GSN: variants seen among roughly 807,000 people sequenced by gnomAD.
GSN encodes actin-depolymerizing factor.
Under a neutral mutation model 85.7 loss-of-function variants are expected in GSN, and 56 were observed. That is an observed-to-expected ratio of 0.65 (90% CI 0.53 to 0.82). The LOEUF is 0.82. Ranked by LOEUF, GSN falls within the 40% of genes least tolerant of loss-of-function variation. GSN has a pLI of 0.00. For missense variants in GSN, 857 were observed against 979.8 expected, an observed-to-expected ratio of 0.87 and a Z score of 1.67; for synonymous variants, 373 against 399.1, an observed-to-expected ratio of 0.93 and a Z score of 0.78.
At chr9:121,220,409 T>TCTTCCCATACTTTCTGTCACTGTGTATCC (rs2054148390) in intron 4 of GSN, among the ~76,000 whole-genome samples, 1 of 151,050 alleles carries the variant, frequency 6.6e-6, no homozygotes, top group Non-Finnish European at 1.5e-5. Context: ...TAGGTGAAGC[T>TCTTCCCATACTTTCTGTCACTGTGTATCC]CTTCCCATAC....
Position 121,299,208 on chromosome 9 carries a change from G to T in GSN, c.-9-2755G>T. On this transcript the variant is annotated intron_variant, in intron 2 of 17. Coordinates refer to ENST00000432226, the MANE Select transcript of GSN (RefSeq NM_198252.3). The surrounding 1 kb of genome is among the most constrained non-coding windows in gnomAD (Gnocchi z 4.2). ...AAAGAAGGAAAGAAAAGTAGGAGGG[G>T]CTATCCCAGGAGCTGAGCGTTCTGC... 1 of 477,752 alleles carries T rather than the reference G, an allele frequency of 2.1e-6. No homozygotes were observed. The highest frequency in any genetic ancestry group is 2.7e-6 in the Non-Finnish European group (1 of 365,562). 29.6% of individuals were successfully genotyped at this position (477,752 alleles called of 1,614,324 possible).
At chr9:121,214,562 T>G (rs1490849182) in intron 4 of GSN, among the ~76,000 whole-genome samples, 1 of 152,186 alleles carries the variant, frequency 6.6e-6, no homozygotes, top group African/African-American at 2.4e-5. Flanking sequence ...TTTCATGAAG[T>G]AAGGAATGAC....
At chr9:121,223,525 A>G (rs142196584) in intron 4 of GSN, among the ~76,000 whole-genome samples, 101 of 152,274 alleles carry the variant, frequency 6.6e-4, no homozygotes, top group Admixed American at 1.3e-3. Flanking sequence ...AGTATATATC[A>G]TGGTTACAAT....
chr9:121,221,797 G>A (rs2054174925), intron 4 of GSN, among the ~76,000 whole-genome samples: 1 of 152,228 alleles, frequency 6.6e-6, no homozygotes, highest in Non-Finnish European at 1.5e-5. Flanking sequence ...GCTAGCCAGA[G>A]CTGAGGCCCA....
intron 1 of GSN, among the ~76,000 whole-genome samples, chr9:121,273,961 G>A (rs1009104086): frequency 2.0e-5 from 3 of 152,274 alleles, no homozygotes; most frequent in Middle Eastern, 3.4e-3. Context: ...AGAGAATAAT[G>A]TTTATAATCT....
At chr9:121,214,582 G>C (rs2054026007) in intron 4 of GSN, among the ~76,000 whole-genome samples, 1 of 152,156 alleles carries the variant, frequency 6.6e-6, no homozygotes, top group Non-Finnish European at 1.5e-5. Context: ...CTGTTTCTAA[G>C]AACAAAGAGG....
At chr9:121,300,194 T>C in intron 2 of GSN, 1 of 1,108,968 alleles carries the variant, frequency 9.0e-7, no homozygotes. Flanking sequence ...GGGCCCTGGC[T>C]GTTCCTTCCC....
At chr9:121,211,719 T>G (rs1013412697) in intron 4 of GSN, among the ~76,000 whole-genome samples, 1 of 152,084 alleles carries the variant, frequency 6.6e-6, no homozygotes, top group Non-Finnish European at 1.5e-5. Flanking sequence ...TCAGTTCAAT[T>G]TTATTTTTCA....
chr9:121,285,756 T>C (rs543973778), intron 2 of GSN, among the ~76,000 whole-genome samples: 33 of 152,076 alleles, frequency 2.2e-4, no homozygotes, highest in Non-Finnish European at 4.6e-4. Flanking sequence ...ATGTCCCACC[T>C]CCCTAATTTA....
At position 121,318,096 on chromosome 9, in the gene GSN, G is replaced by C. The variant is rs576409191; in HGVS notation, c.887-310G>C. Among the ~76,000 whole-genome samples, 1 of 152,336 alleles carries C rather than the reference G, an allele frequency of 6.6e-6. No homozygotes were observed. Among genetic ancestry groups the C allele is most frequent in the East Asian group, 1.9e-4 (1 of 5,182 alleles). On this transcript the variant is annotated intron_variant, in intron 8 of 17. Transcript: ENST00000432226. The surrounding 1 kb of genome is among the most constrained non-coding windows in gnomAD (Gnocchi z 4.3). ...GCTTCCTTATAGATACTCAGAAAAA[G>C]ATAACAACTTTTTTTATTACTTAAG...
intron 4 of GSN, among the ~76,000 whole-genome samples, chr9:121,227,267 G>A (rs914815737): frequency 1.3e-5 from 2 of 152,072 alleles, no homozygotes. Flanking sequence ...GGTGGTGCGT[G>A]CCTGTAATCC....
At chr9:121,225,375 C>T (rs1055029373) in intron 4 of GSN, among the ~76,000 whole-genome samples, 1 of 152,218 alleles carries the variant, frequency 6.6e-6, no homozygotes, top group Non-Finnish European at 1.5e-5. Context: ...ATCATTTATG[C>T]TTTCACCACT....
chr9:121,303,917 G>A (rs1177436119), intron 4 of GSN, among the ~76,000 whole-genome samples: 1 of 152,196 alleles, frequency 6.6e-6, no homozygotes, highest in Non-Finnish European at 1.5e-5. Context: ...AGGGGAGAAG[G>A]GGAACTGAGA....
chr9:121,328,201 T>C (rs2133914761), intron 14 of GSN, among the ~76,000 whole-genome samples: 1 of 152,336 alleles, frequency 6.6e-6, no homozygotes, highest in Admixed American at 6.5e-5. Flanking sequence ...TCTGCCAGCC[T>C]GCAGTCTTTA....
At chr9:121,273,851 A>G (rs569316495) in intron 1 of GSN, among the ~76,000 whole-genome samples, 13 of 152,368 alleles carry the variant, frequency 8.5e-5, no homozygotes, top group Non-Finnish European at 1.3e-4. Flanking sequence ...CTTTTTATTT[A>G]TTAACAAAAA....
chr9:121,286,088 G>T (rs1170743039), intron 2 of GSN: 6 of 1,533,946 alleles, frequency 3.9e-6, no homozygotes, highest in Non-Finnish European at 4.4e-6. Context: ...TATAGGCTGA[G>T]ATGATTAGGT....
the GSN span, among the ~76,000 whole-genome samples, chr9:121,202,380 G>A: frequency 6.6e-6 from 1 of 152,200 alleles, no homozygotes; most frequent in African/African-American, 2.4e-5. Flanking sequence ...AAACGTCGGA[G>A]GCACGCATCC....
intron 6 of GSN, among the ~76,000 whole-genome samples, chr9:121,253,638 T>C (rs1394828648): frequency 6.6e-6 from 1 of 152,218 alleles, no homozygotes; most frequent in Non-Finnish European, 1.5e-5. Flanking sequence ...TGGAGTGACA[T>C]ATTTACCAGC....
intron 5 of GSN, among the ~76,000 whole-genome samples, chr9:121,241,305 G>A (rs2054598433): frequency 6.6e-6 from 1 of 152,176 alleles, no homozygotes; most frequent in African/African-American, 2.4e-5. Context: ...TTCACTGAAA[G>A]ATTTCAGGTG....
Sources: allele counts gnomAD v4.1 joint callset (sites outside exome capture counted in the v4.1 genomes callset), GRCh38; gene constraint gnomAD v4.1.1; non-coding constraint Gnocchi (gnomAD v3.1); transcripts MANE v1.5; gene names NCBI Gene and HGNC (gene_info 2026-07-23, HGNC 2026-07-21).